Variants in CFAP20DC observed in about 807,000 individuals in gnomAD.
CFAP20DC encodes the protein CFAP20 domain containing.
In CFAP20DC, 84 loss-of-function variants were observed where a neutral mutation model predicts 101.7. The observed-to-expected ratio is 0.83, with a 90% CI of 0.69 to 0.99. The LOEUF (loss-of-function observed/expected upper bound fraction) is 0.99. Ranked by LOEUF, CFAP20DC falls within the 50% of genes least tolerant of loss-of-function variation. The probability of loss-of-function intolerance (pLI) is 0.00; values close to 1 mark genes in which losing one functional copy is unlikely to be tolerated. For missense variants in CFAP20DC, 1,007 were observed against 970.3 expected (o/e 1.04, Z -0.50); for synonymous variants, 359 against 351.2 (o/e 1.02, Z -0.25).
In CFAP20DC at chr3:58,806,408, G is replaced by A; in HGVS notation, c.2224C>T (p.Pro742Ser). 1 of 1,606,108 alleles carries A rather than the reference G, an allele frequency of 6.2e-7. No individual in the cohort carries two copies. The highest frequency in any genetic ancestry group is 8.5e-7 in the Non-Finnish European group (1 of 1,172,754). ...AATGATTCTTACCGGGGATTAGAAG[G>A]AGAAGGTGGGTTCATTTCTTTCTGA... ...HYQKEMNPPSPSNPRDWLNML... is the reference protein window; with the variant it reads ...HYQKEMNPPSSSNPRDWLNML... The change falls in exon 15 of 17, where the codon CCT becomes TCT. Residue 742 changes from proline (P) to serine (S), a missense_variant. Coordinates refer to ENST00000482387, the MANE Select transcript of CFAP20DC (RefSeq NM_001394063.1).
chr3:58,957,847 G>A (rs2090779846), intron 4 of CFAP20DC, among the ~76,000 whole-genome samples: 2 of 152,274 alleles, frequency 1.3e-5, no homozygotes, highest in South Asian at 4.1e-4. Flanking sequence ...ACTAGAGGCT[G>A]GGAAGTGTAG....
chr3:58,814,642 A>G (rs1559633300), intron 14 of CFAP20DC, among the ~76,000 whole-genome samples: 1 of 151,284 alleles, frequency 6.6e-6, no homozygotes, highest in African/African-American at 2.5e-5. Context: ...TTAAGCTGAT[A>G]ATCAACTTCA....
intron 12 of CFAP20DC, among the ~76,000 whole-genome samples, chr3:58,851,507 T>C (rs1330623381): frequency 6.6e-6 from 1 of 152,164 alleles, no homozygotes; most frequent in Non-Finnish European, 1.5e-5. Context: ...TTTTGTGAAA[T>C]GTAGTTGAGA....
chr3:58,922,626 C>G (rs1186248447), intron 5 of CFAP20DC, among the ~76,000 whole-genome samples: 5 of 152,172 alleles, frequency 3.3e-5, no homozygotes, highest in African/African-American at 1.2e-4. Context: ...CTCCTCTCCC[C>G]CTTCCACCAA....
At chr3:58,907,129 G>A (rs1450610787) in intron 6 of CFAP20DC, among the ~76,000 whole-genome samples, 1 of 151,996 alleles carries the variant, frequency 6.6e-6, no homozygotes, top group East Asian at 1.9e-4. Context: ...GTATGTGTGT[G>A]TGTCTGTGTA....
At position 58,721,498 on chromosome 3, in the gene CFAP20DC, T is replaced by A. The variant is rs2107048372; in HGVS notation, c.198-3870A>T. Reference sequence around the variant, plus strand: ...TTCCACAAAGAAGCGATATTTAAGCTGAGATCTGAAGGATACGGGGGCATT... The same window carrying A: ...TTCCACAAAGAAGCGATATTTAAGCAGAGATCTGAAGGATACGGGGGCATT... On this transcript the variant is annotated intron_variant, in intron 3 of 3. Coordinates refer to the CFAP20DC transcript ENST00000486145. This position sits in a 1 kb window ranked among gnomAD's most constrained non-coding sequence, Gnocchi z 5.2. Among the ~76,000 whole-genome samples the A allele has an allele frequency of 6.6e-6, 1 of 152,264 alleles. No individual in the cohort carries two copies. Among genetic ancestry groups the A allele is most frequent in the East Asian group, 1.9e-4 (1 of 5,178 alleles).
intron 6 of CFAP20DC, 68 bp from the exon 7 acceptor site, chr3:58,884,777 A>C (rs760854084): frequency 2.2e-5 from 27 of 1,255,518 alleles, no homozygotes; most frequent in Admixed American, 4.3e-5. Flanking sequence ...CTATCATATA[A>C]ATGAAATCAA....
At chr3:59,028,341 A>G (rs1238845243) in intron 4 of CFAP20DC, among the ~76,000 whole-genome samples, 1 of 152,228 alleles carries the variant, frequency 6.6e-6, no homozygotes, top group African/African-American at 2.4e-5. Context: ...GATTTCAGTA[A>G]AGTCCTTCCT....
intron 7 of CFAP20DC, among the ~76,000 whole-genome samples, chr3:58,875,031 G>A (rs2080622616): frequency 6.6e-6 from 1 of 152,224 alleles, no homozygotes; most frequent in African/African-American, 2.4e-5. Flanking sequence ...AGTTCTATGT[G>A]TGAATCAAAA....
intron 2 of CFAP20DC, 87 bp downstream of exon 2, chr3:59,047,078 C>T (rs891701009): frequency 3.0e-5 from 26 of 854,066 alleles, no homozygotes; most frequent in Non-Finnish European, 4.4e-5. Flanking sequence ...GGAAAAACAG[C>T]TCTGAAATTT....
chr3:58,723,875 GTTT>G (rs536380746), intron 3 of CFAP20DC, among the ~76,000 whole-genome samples: 2 of 152,160 alleles, frequency 1.3e-5, no homozygotes, highest in Non-Finnish European at 2.9e-5. Flanking sequence ...AATAAAAAAT[GTTT>G]TTTTATGGGA....
intron 16 of CFAP20DC, among the ~76,000 whole-genome samples, chr3:58,749,246 T>C (rs929276886): frequency 3.9e-5 from 6 of 152,154 alleles, no homozygotes; most frequent in Non-Finnish European, 8.8e-5. Context: ...CCAGAGTTGT[T>C]CAGCAACTTT....
intron 15 of CFAP20DC, among the ~76,000 whole-genome samples, chr3:58,805,434 T>C (rs1375031346): frequency 1.3e-5 from 2 of 152,220 alleles, no homozygotes; most frequent in South Asian, 2.1e-4. Context: ...AACAACCACC[T>C]GCCAAACCGC....
At chr3:58,821,338 A>G (rs1213065132) in intron 14 of CFAP20DC, among the ~76,000 whole-genome samples, 1 of 152,150 alleles carries the variant, frequency 6.6e-6, no homozygotes, top group Admixed American at 6.5e-5. Context: ...AAAAGAAACT[A>G]CCATCAGAGT....
At chr3:59,018,174 T>C (rs2093728850) in intron 4 of CFAP20DC, 1 of 152,116 alleles carries the variant, frequency 6.6e-6, no homozygotes, top group Admixed American at 6.6e-5. Flanking sequence ...GAGAAACATG[T>C]GGCAAACTAT....
At chr3:58,751,974 T>G (rs2068608162) in intron 16 of CFAP20DC, among the ~76,000 whole-genome samples, 1 of 152,098 alleles carries the variant, frequency 6.6e-6, no homozygotes, top group Non-Finnish European at 1.5e-5. Flanking sequence ...CAGGAAGGGT[T>G]CCAGACTGCT....
In CFAP20DC at chr3:58,732,218, G is replaced by A. The variant is rs989849811; in HGVS notation, c.198-14590C>T. On this transcript the variant is annotated intron_variant, in intron 3 of 3. Transcript: ENST00000486145. This position sits in a 1 kb window ranked among gnomAD's most constrained non-coding sequence, Gnocchi z 5.4. ...GGTCCAAGGCCTACCCTAATGACTCGTTAGGTCAATTAAAAAAAGAGGACA... is the reference window on the plus strand; with the variant it reads ...GGTCCAAGGCCTACCCTAATGACTCATTAGGTCAATTAAAAAAAGAGGACA... 1.3e-5 allele frequency among the ~76,000 whole-genome samples: 2 copies of A among 152,030 alleles called. No individual in the cohort carries two copies. Among genetic ancestry groups the A allele is most frequent in the South Asian group, 2.1e-4 (1 of 4,806 alleles).
At position 58,788,144 on chromosome 3, in the gene CFAP20DC, T is replaced by TA. The variant is rs542429709; in HGVS notation, c.2237+18250dup. ...TTGTCCCAGAACTTAAAGTACAATTTAAAAAAAAAAAAGAGGAAGAAAACA... is the reference window on the plus strand; with the variant it reads ...TTGTCCCAGAACTTAAAGTACAATTTAAAAAAAAAAAAAGAGGAAGAAAACA... On this transcript the variant is annotated intron_variant, in intron 15 of 16. Transcript: ENST00000482387. The surrounding 1 kb of genome is among the most constrained non-coding windows in gnomAD (Gnocchi z 4.2). Among the ~76,000 whole-genome samples the TA allele has an allele frequency of 5.4e-4, 75 of 138,644 alleles. No homozygotes were observed. Among genetic ancestry groups the TA allele is most frequent in the Middle Eastern group, 3.7e-3 (1 of 272 alleles). 91.0% of individuals were successfully genotyped at this position (138,644 alleles called of 152,430 possible). A position where few individuals can be genotyped will look rare whatever the true frequency, so the allele number is the denominator to read the frequency against.
intron 13 of CFAP20DC, 146 bp downstream of exon 13, chr3:58,848,886 A>G (rs781410966): frequency 4.0e-6 from 4 of 1,012,368 alleles, no homozygotes; most frequent in Non-Finnish European, 5.6e-6. Context: ...CTATTACCAA[A>G]CTAAAACACA....
Sources: allele counts gnomAD v4.1 joint callset (sites outside exome capture counted in the v4.1 genomes callset), GRCh38; gene constraint gnomAD v4.1.1; non-coding constraint Gnocchi (gnomAD v3.1); transcripts MANE v1.5; gene names NCBI Gene and HGNC (gene_info 2026-07-23, HGNC 2026-07-21).